PTCD2: variants seen among roughly 807,000 people sequenced by gnomAD.
PTCD2 encodes pentatricopeptide repeat-containing protein 2, mitochondrial.
Under a neutral mutation model 42.6 loss-of-function variants are expected in PTCD2, and 31 were observed. That is an observed-to-expected ratio of 0.73 (90% CI 0.55 to 0.98). The LOEUF is 0.98. PTCD2 is among the 50% of genes least tolerant of loss of function. The probability of loss-of-function intolerance (pLI) is 0.00; values close to 1 mark genes in which losing one functional copy is unlikely to be tolerated. For synonymous variants in PTCD2, 183 were observed against 170.9 expected (o/e 1.07, Z -0.55); for missense variants, 476 against 454.8 (o/e 1.05, Z -0.42).
intron 8 of PTCD2, among the ~76,000 whole-genome samples, chr5:72,348,973 C>T (rs1195961292): frequency 1.3e-5 from 2 of 152,330 alleles, no homozygotes; most frequent in South Asian, 2.1e-4. Context: ...CAAATTCCTT[C>T]GTGGCAGCAT....
rs924075100 is a variant in PTCD2 at position 72,362,508 on chromosome 5, C to T, written c.*4081C>T. The T allele has an allele frequency of 2.6e-5, 4 of 152,202 alleles. No homozygotes were observed. The highest frequency in any genetic ancestry group is 7.2e-5 in the African/African-American group (3 of 41,434). 9.4% of individuals were successfully genotyped at this position (152,202 alleles called of 1,614,324 possible). ...AGCAGCCTGAAGAGACTAAGACAGC[C>T]AGTCCCAACCTTCCACATTTAGACC... On this transcript the variant is annotated 3_prime_UTR_variant, in exon 10 of 10. Coordinates refer to ENST00000380639, the MANE Select transcript of PTCD2 (RefSeq NM_024754.5).
chr5:72,335,085 G>T lies in PTCD2; in HGVS notation c.536G>T (p.Gly179Val), dbSNP rs1201121517. ...TTGATGGATATGTTATTTATCAAAG[G>T]CAAATATAAAAGTAAGTACTGCAAT... ...NILMDMLFIKGKYKSALQVLI... is the reference protein window; with the variant it reads ...NILMDMLFIKVKYKSALQVLI... Residue 179 changes from glycine to valine, a missense_variant, in exon 5 of 10, where the codon GGC (glycine) becomes GTC (valine). Physicochemically the swap from Gly to Val is moderately radical, Grantham distance 109. Transcript: ENST00000380639. The T allele has an allele frequency of 6.4e-7, 1 of 1,560,950 alleles. No individual in the cohort carries two copies. The highest frequency in any genetic ancestry group is 1.7e-5 in the Admixed American group (1 of 59,516).
At chr5:72,331,429 G>A in intron 4 of PTCD2, 54 bp downstream of exon 4, 2 of 1,246,966 alleles carry the variant, frequency 1.6e-6, no homozygotes, top group South Asian at 2.4e-5. Context: ...TGGTGATATT[G>A]GAAAAGGCAT....
intron 3 of PTCD2, among the ~76,000 whole-genome samples, chr5:72,330,338 C>T (rs1037369816): frequency 6.6e-5 from 10 of 151,990 alleles, no homozygotes; most frequent in South Asian, 2.1e-4. Context: ...AATAGACTAG[C>T]GTAATACTAC....
chr5:72,337,935 A>G (rs1437600769), intron 6 of PTCD2, among the ~76,000 whole-genome samples: 1 of 152,194 alleles, frequency 6.6e-6, no homozygotes, highest in Non-Finnish European at 1.5e-5. Flanking sequence ...ATTCCACATC[A>G]ATTCTGGGAA....
chr5:72,341,241 A>G (rs1399045314), intron 7 of PTCD2, among the ~76,000 whole-genome samples: 6 of 151,978 alleles, frequency 3.9e-5, no homozygotes, highest in African/African-American at 1.2e-4. Flanking sequence ...ACAGGGTTTC[A>G]CCATATTGGC....
chr5:72,336,750 A>G (rs1751765488), intron 6 of PTCD2, among the ~76,000 whole-genome samples: 1 of 151,750 alleles, frequency 6.6e-6, no homozygotes, highest in South Asian at 2.1e-4. Context: ...TTATTACTGT[A>G]CCAGGATTAT....
In PTCD2 at chr5:72,361,198, T is replaced by C. The variant is rs538095173; in HGVS notation, c.*2771T>C. The C allele has an allele frequency of 6.6e-6, 1 of 152,200 alleles. No homozygotes were observed. The highest frequency in any genetic ancestry group is 1.5e-5 in the Non-Finnish European group (1 of 68,038). 9.4% of individuals were successfully genotyped at this position (152,200 alleles called of 1,614,324 possible). ...ATCAGGGATAGTTCTGGTTATTGAT[T>C]GCTGTGTGGAAAACACTCCAAAACT... On this transcript the variant is annotated 3_prime_UTR_variant, in exon 10 of 10. Transcript: ENST00000380639.
chr5:72,335,037 C>T lies in PTCD2; in HGVS notation c.488C>T (p.Ser163Leu). ...MKDQHLRGFFSDSTSFNILMD... is the reference protein window; with the variant it reads ...MKDQHLRGFFLDSTSFNILMD... ...CGTTAGCATTTACGAGGTTTCTTCT[C>T]AGACTCCACATCATTCAATATTTTG... The change falls in exon 5 of 10, where the codon TCA becomes TTA. Residue 163 changes from serine to leucine, a missense_variant. Transcript: ENST00000380639. The T allele has an allele frequency of 6.3e-7, 1 of 1,595,592 alleles. No individual in the cohort carries two copies. The highest frequency in any genetic ancestry group is 1.1e-5 in the South Asian group (1 of 90,442).
chr5:72,329,337 C>T (rs181245838), intron 3 of PTCD2, among the ~76,000 whole-genome samples: 46 of 152,292 alleles, frequency 3.0e-4, no homozygotes, highest in Non-Finnish European at 7.3e-5. Context: ...AGGAGAGTCA[C>T]GAGCTGAAAC....
intron 3 of PTCD2, among the ~76,000 whole-genome samples, chr5:72,328,240 C>T (rs1365806600): frequency 6.6e-6 from 1 of 152,224 alleles, no homozygotes; most frequent in Non-Finnish European, 1.5e-5. Context: ...TGAAGCCACT[C>T]ACTCATCTGC....
chr5:72,341,063 A>G (rs1482289401), intron 7 of PTCD2, among the ~76,000 whole-genome samples: 1 of 151,502 alleles, frequency 6.6e-6, no homozygotes, highest in Non-Finnish European at 1.5e-5. Context: ...CTCCTGGGTT[A>G]AAGTGATTCT....
chr5:72,348,745 T>TAA (rs1361150448), intron 8 of PTCD2, among the ~76,000 whole-genome samples: 1 of 152,268 alleles, frequency 6.6e-6, no homozygotes, highest in African/African-American at 2.4e-5. Context: ...CATTTATGTA[T>TAA]AAAACTGGCA....
chr5:72,359,697 G>A lies in PTCD2; in HGVS notation c.*1270G>A, dbSNP rs1753047311. ...CAGCTTCAGGTGTTTGCTGAATCCA[G>A]GTCTGAGATCACAATCCCACCTGAG... On this transcript the variant is annotated 3_prime_UTR_variant, in exon 10 of 10. Transcript: ENST00000380639. 1 of 152,308 alleles carries A rather than the reference G, an allele frequency of 6.6e-6. No homozygotes were observed. The highest frequency in any genetic ancestry group is 6.5e-5 in the Admixed American group (1 of 15,290). 9.4% of individuals were successfully genotyped at this position (152,308 alleles called of 1,614,324 possible).
intron 2 of PTCD2, among the ~76,000 whole-genome samples, chr5:72,324,143 CT>C (rs1295703610): frequency 1.3e-5 from 2 of 152,272 alleles, no homozygotes; most frequent in East Asian, 3.9e-4. Context: ...TATTTTAGAT[CT>C]ATGTGAGGTT....
At chr5:72,327,597 C>G (rs888435701) in intron 3 of PTCD2, among the ~76,000 whole-genome samples, 3 of 151,924 alleles carry the variant, frequency 2.0e-5, no homozygotes, top group Admixed American at 2.0e-4. Flanking sequence ...CTCAGTCTCC[C>G]AAGTAGCTGG....
intron 1 of PTCD2, chr5:72,321,250 T>G (rs564476041): frequency 1.3e-5 from 2 of 152,368 alleles, no homozygotes; most frequent in South Asian, 4.1e-4. Context: ...AAGATGCTAG[T>G]GAGTGATAGT....
intron 9 of PTCD2, among the ~76,000 whole-genome samples, chr5:72,356,498 G>A (rs779713117): frequency 3.9e-4 from 8 of 20,474 alleles, no homozygotes; most frequent in Admixed American, 1.4e-3. Context: ...TATTGTAAAC[G>A]TCTGCATTTT....
chr5:72,326,495 C>T, intron 2 of PTCD2, 117 bp from the exon 3 acceptor site: 1 of 1,026,916 alleles, frequency 9.7e-7, no homozygotes, highest in Non-Finnish European at 1.5e-6. Flanking sequence ...GTTTCTGAAC[C>T]CCTCTCAGTG....
Sources: allele counts gnomAD v4.1 joint callset (sites outside exome capture counted in the v4.1 genomes callset), GRCh38; gene constraint gnomAD v4.1.1; transcripts MANE v1.5; gene names NCBI Gene and HGNC (gene_info 2026-07-23, HGNC 2026-07-21).